RASGEF1B: variants seen among roughly 807,000 people sequenced by gnomAD.
RASGEF1B encodes the protein RasGEF domain family member 1B.
Under a neutral mutation model 65.7 loss-of-function variants are expected in RASGEF1B, and 30 were observed. That is an observed-to-expected ratio of 0.46 (90% confidence interval 0.34 to 0.62). The LOEUF (loss-of-function observed/expected upper bound fraction) is 0.62, where lower values mean the gene tolerates loss of function less well. RASGEF1B is among the 20% of genes least tolerant of loss of function. RASGEF1B has a pLI of 0.01. For synonymous variants in RASGEF1B, 175 were observed against 194.8 expected, an observed-to-expected ratio of 0.90 and a Z score of 0.85; for missense variants, 495 against 580.1, an observed-to-expected ratio of 0.85 and a Z score of 1.51.
intron 13 of RASGEF1B, among the ~76,000 whole-genome samples, chr4:81,431,943 T>C (rs1721445483): frequency 6.6e-6 from 1 of 152,214 alleles, no homozygotes; most frequent in South Asian, 2.1e-4. Flanking sequence ...TTATCTCAGG[T>C]TAAATAAAAT....
intron 4 of RASGEF1B, chr4:81,454,850 C>T (rs1473357840): frequency 7.2e-5 from 11 of 152,004 alleles, no homozygotes; most frequent in Non-Finnish European, 1.6e-4. Context: ...TACAGGAAAG[C>T]CCATACAAAT....
chr4:81,443,544 G>C (rs1490833492), intron 8 of RASGEF1B, among the ~76,000 whole-genome samples: 2 of 152,098 alleles, frequency 1.3e-5, no homozygotes, highest in Non-Finnish European at 2.9e-5. Context: ...ATCCACTCTT[G>C]TGTCTGTCTT....
At chr4:81,439,584 C>A (rs1469680999) in intron 10 of RASGEF1B, among the ~76,000 whole-genome samples, 1 of 152,208 alleles carries the variant, frequency 6.6e-6, no homozygotes, top group Non-Finnish European at 1.5e-5. Flanking sequence ...GCAGAGAGAA[C>A]CTTGCCTGCC....
At chr4:81,443,532 G>A (rs1176668375) in intron 8 of RASGEF1B, among the ~76,000 whole-genome samples, 1 of 152,128 alleles carries the variant, frequency 6.6e-6, no homozygotes, top group Non-Finnish European at 1.5e-5. Context: ...AAATCATACT[G>A]TATCCACTCT....
intron 10 of RASGEF1B, among the ~76,000 whole-genome samples, chr4:81,435,638 T>A (rs938099403): frequency 2.0e-5 from 3 of 148,502 alleles, no homozygotes; most frequent in African/African-American, 7.4e-5. Context: ...CCGGCTAATT[T>A]TTTTTTTTTG....
At chr4:81,437,905 G>A (rs1035847403) in intron 10 of RASGEF1B, among the ~76,000 whole-genome samples, 3 of 152,194 alleles carry the variant, frequency 2.0e-5, no homozygotes, top group Non-Finnish European at 4.4e-5. Flanking sequence ...TGAGCTAAGT[G>A]AATGTACACA....
intron 6 of RASGEF1B, among the ~76,000 whole-genome samples, chr4:81,446,549 G>C (rs1172429535): frequency 1.3e-5 from 2 of 152,142 alleles, no homozygotes; most frequent in African/African-American, 4.8e-5. Flanking sequence ...AGAGTACAGA[G>C]GAGTAGAACA....
chr4:81,442,683 A>G (rs1721882096), intron 8 of RASGEF1B, among the ~76,000 whole-genome samples: 2 of 152,228 alleles, frequency 1.3e-5, no homozygotes, highest in South Asian at 4.1e-4. Context: ...CTGTCATGCA[A>G]AAACAGCCAC....
At chr4:81,471,555 C>G (rs1723027353) in intron 1 of RASGEF1B, among the ~76,000 whole-genome samples, 1 of 152,182 alleles carries the variant, frequency 6.6e-6, no homozygotes, top group African/African-American at 2.4e-5. Context: ...CGGGCTGTAA[C>G]TCGGCTCTTG....
At chr4:81,461,140 C>T (rs552831828) in intron 1 of RASGEF1B, among the ~76,000 whole-genome samples, 2 of 152,332 alleles carry the variant, frequency 1.3e-5, no homozygotes, top group South Asian at 4.1e-4. Context: ...CTTTCCTCCT[C>T]AAATTGCCAG....
chr4:81,430,665 C>G (rs1223564123), intron 13 of RASGEF1B, among the ~76,000 whole-genome samples: 1 of 152,226 alleles, frequency 6.6e-6, no homozygotes, highest in Non-Finnish European at 1.5e-5. Context: ...CACAAGGGAA[C>G]TTTTCCCATT....
intron 1 of RASGEF1B, 87 bp downstream of exon 1, chr4:81,471,683 G>A (rs1723032940): frequency 6.6e-6 from 1 of 152,646 alleles, no homozygotes; most frequent in South Asian, 2.1e-4. Flanking sequence ...TCTCCAGGGA[G>A]AGCGCAGCGC....
chr4:81,439,342 A>G (rs1721757734), intron 10 of RASGEF1B, among the ~76,000 whole-genome samples: 1 of 152,234 alleles, frequency 6.6e-6, no homozygotes, highest in Non-Finnish European at 1.5e-5. Context: ...ATGTTCACAT[A>G]GAACCTGTTT....
At chr4:81,434,516 G>A in intron 11 of RASGEF1B, 123 bp downstream of exon 11, 1 of 692,852 alleles carries the variant, frequency 1.4e-6, no homozygotes, top group South Asian at 1.6e-5. Flanking sequence ...AAATAATATG[G>A]AAAGAGATAA....
chr4:81,456,516 T>C, intron 4 of RASGEF1B, 135 bp downstream of exon 4: 1 of 852,328 alleles, frequency 1.2e-6, no homozygotes, highest in Non-Finnish European at 2.0e-6. Flanking sequence ...AATAGACCAA[T>C]ATGTGATGTG....
chr4:81,461,718 G>A (rs1002038828), intron 1 of RASGEF1B, among the ~76,000 whole-genome samples: 1 of 152,186 alleles, frequency 6.6e-6, no homozygotes, highest in African/African-American at 2.4e-5. Flanking sequence ...CTCAGTGGGA[G>A]AATGTAGGTT....
intron 8 of RASGEF1B, among the ~76,000 whole-genome samples, chr4:81,444,535 T>C (rs1193794704): frequency 1.3e-5 from 2 of 151,850 alleles, no homozygotes; most frequent in Non-Finnish European, 2.9e-5. Flanking sequence ...CTCAACTCTC[T>C]TCTTCTTCTT....
At chr4:81,447,449 A>T in intron 6 of RASGEF1B, 55 bp downstream of exon 6, 1 of 1,285,682 alleles carries the variant, frequency 7.8e-7, no homozygotes, top group Non-Finnish European at 1.1e-6. Flanking sequence ...CCACTATCAT[A>T]GACTGATAAA....
At chr4:81,435,159 C>T (rs1354438768) in intron 10 of RASGEF1B, among the ~76,000 whole-genome samples, 2 of 152,028 alleles carry the variant, frequency 1.3e-5, no homozygotes, top group Non-Finnish European at 1.5e-5. Flanking sequence ...CGCCTGTAAT[C>T]CCAGCACTTT....
Sources: gnomAD v4.1 joint callset for allele counts (sites outside exome capture counted in the v4.1 genomes callset) on GRCh38, gnomAD v4.1.1 for gene constraint, MANE v1.5 for transcripts, NCBI Gene and HGNC (gene_info 2026-07-23, HGNC 2026-07-21) for gene names.